Variants in CHL1 observed in about 807,000 individuals in gnomAD.
CHL1 encodes the protein neural cell adhesion molecule L1-like protein.
CHL1 carries 96 observed loss-of-function variants against 141.9 expected under a neutral mutation model. The ratio of observed to expected loss-of-function variants is 0.68; its 90% CI spans 0.57 to 0.80. The LOEUF (loss-of-function observed/expected upper bound fraction) is 0.80. Among genes scored for constraint, CHL1 ranks in the 30% least tolerant of loss-of-function variants. The pLI is 0.00. For missense variants in CHL1, 1,820 were observed against 1,457.2 expected, an observed-to-expected ratio of 1.25 and a Z score of -4.05; for synonymous variants, 613 against 502.2, an observed-to-expected ratio of 1.22 and a Z score of -2.95.
chr3:209,271 G>A (rs1264877747), intron 1 of CHL1, among the ~76,000 whole-genome samples: 1 of 152,188 alleles, frequency 6.6e-6, no homozygotes, highest in Admixed American at 6.5e-5. Flanking sequence ...AGTATAAACT[G>A]CAAGTTGGAG....
chr3:374,264 C>T (rs1260353977), intron 15 of CHL1, among the ~76,000 whole-genome samples: 2 of 152,104 alleles, frequency 1.3e-5, no homozygotes, highest in Non-Finnish European at 2.9e-5. Context: ...TGTATTACAA[C>T]CAGTTCTCAT....
chr3:221,309 T>G (rs1700819472), intron 1 of CHL1, among the ~76,000 whole-genome samples: 1 of 152,218 alleles, frequency 6.6e-6, no homozygotes. Flanking sequence ...AGAATTTGAC[T>G]CTTTTCATTG....
intron 2 of CHL1, among the ~76,000 whole-genome samples, chr3:281,822 A>G (rs1016582876): frequency 2.0e-5 from 3 of 152,204 alleles, no homozygotes; most frequent in Admixed American, 6.5e-5. Flanking sequence ...GGCCTCCCAA[A>G]GTGCTGGGAT....
intron 1 of CHL1, among the ~76,000 whole-genome samples, chr3:232,850 C>T (rs993926294): frequency 1.3e-5 from 2 of 152,118 alleles, no homozygotes; most frequent in Non-Finnish European, 2.9e-5. Flanking sequence ...TTTAACTTTA[C>T]ATTTTAGTCT....
Position 403,332 on chromosome 3 carries a change from A to C in CHL1, c.3458+1634A>C, listed in dbSNP as rs182058481. On this transcript the variant is annotated intron_variant, in intron 27 of 27. Transcript: ENST00000256509. ...AGTGATATCCCATCACTTTTGTTGT[A>C]TTCTATAGGAACAAATCATTAAGTT... 9.8e-5 allele frequency among the ~76,000 whole-genome samples: 15 copies of C among 152,296 alleles called. No individual in the cohort carries two copies. The East Asian group carries it at 2.5e-3, about 25-fold the overall frequency.
chr3:200,788 C>T (rs1164659827), intron 1 of CHL1, among the ~76,000 whole-genome samples: 1 of 152,172 alleles, frequency 6.6e-6, no homozygotes, highest in Non-Finnish European at 1.5e-5. Context: ...CCTCTCACCC[C>T]TTGGGGGAGA....
intron 23 of CHL1, among the ~76,000 whole-genome samples, chr3:393,457 T>A (rs1708412511): frequency 1.3e-5 from 2 of 152,050 alleles, no homozygotes; most frequent in Admixed American, 1.3e-4. Context: ...TTCATATTGA[T>A]CCGTATGTGA....
chr3:356,017 C>A (rs374037318), intron 11 of CHL1, among the ~76,000 whole-genome samples: 1 of 152,114 alleles, frequency 6.6e-6, no homozygotes. Flanking sequence ...ATGCTTAGCA[C>A]GGGGACTGCC....
At chr3:227,697 C>T (rs1247367866) in intron 1 of CHL1, among the ~76,000 whole-genome samples, 1 of 152,200 alleles carries the variant, frequency 6.6e-6, no homozygotes, top group Non-Finnish European at 1.5e-5. Flanking sequence ...TCAGGCAAAT[C>T]GTTCTTTGTA....
At chr3:333,124 A>ATTTTTGTTTTTTTTTTTTTTTTTTTT (rs1701576849) in intron 5 of CHL1, among the ~76,000 whole-genome samples, 1 of 83,310 alleles carries the variant, frequency 1.2e-5, no homozygotes, top group Non-Finnish European at 2.1e-5. Flanking sequence ...TAATTGCTCT[A>ATTTTTGTTTTTTTTTTTTTTTTTTTT]TTTTTTTTAT....
rs1000803038 is a variant in CHL1, at chr3:409,236, G to T, written c.*3525G>T. Reference sequence around the variant, plus strand: ...AAGAGATGAAAGGTATGTAGAACAGGTTCACGTGATTACCTTTTTCTTTTG... The same window carrying T: ...AAGAGATGAAAGGTATGTAGAACAGTTTCACGTGATTACCTTTTTCTTTTG... On this transcript the variant is annotated 3_prime_UTR_variant, in exon 28 of 28. Coordinates refer to ENST00000256509, the MANE Select transcript of CHL1 (RefSeq NM_006614.4). 6.6e-6 allele frequency: 1 copy of T among 152,034 alleles called. No individual in the cohort carries two copies. The highest frequency in any genetic ancestry group is 2.4e-5 in the African/African-American group (1 of 41,410). 9.4% of individuals were successfully genotyped at this position (152,034 alleles called of 1,614,324 possible). A position where few individuals can be genotyped will look rare whatever the true frequency, so the allele number is the denominator to read the frequency against.
At chr3:329,253 C>T (rs191399376) in intron 5 of CHL1, among the ~76,000 whole-genome samples, 6 of 152,064 alleles carry the variant, frequency 3.9e-5, no homozygotes, top group Admixed American at 2.0e-4. Context: ...AGCTTCTATT[C>T]GGTAATTTCT....
chr3:374,383 T>G (rs1706033495), intron 15 of CHL1, among the ~76,000 whole-genome samples: 1 of 152,166 alleles, frequency 6.6e-6, no homozygotes, highest in African/African-American at 2.4e-5. Context: ...TATGCCTAAA[T>G]TCTGCCTCTT....
chr3:345,206 A>G (rs1250464654), intron 9 of CHL1, among the ~76,000 whole-genome samples: 1 of 151,984 alleles, frequency 6.6e-6, no homozygotes, highest in Non-Finnish European at 1.5e-5. Context: ...GGTTGTTGGT[A>G]GTCAGTCCCT....
rs1055498166 is a variant in CHL1, at chr3:342,093, A to C, written c.679+11A>C. On this transcript the variant is annotated intron_variant, in intron 7 of 27. Transcript: ENST00000256509. ...TAACAGTTAACAGTTGTAAGTCCAC[A>C]TAATTTATCGTTTCATCATGTATGC... 6.3e-7 allele frequency: 1 copy of C among 1,598,048 alleles called. No individual in the cohort carries two copies. Among genetic ancestry groups the C allele is most frequent in the Non-Finnish European group, 8.6e-7 (1 of 1,167,736 alleles).
intron 15 of CHL1, among the ~76,000 whole-genome samples, chr3:375,758 T>C (rs932450378): frequency 1.3e-5 from 2 of 152,184 alleles, no homozygotes; most frequent in African/African-American, 2.4e-5. Context: ...AAAGAAAATA[T>C]TGTTATCCCC....
At chr3:242,318 T>A (rs71306193) in intron 1 of CHL1, among the ~76,000 whole-genome samples, 3 of 124,604 alleles carry the variant, frequency 2.4e-5, no homozygotes, top group Non-Finnish European at 5.4e-5. Context: ...AGAGACTGGC[T>A]GAGCGCGGTG....
At chr3:323,843 T>C (rs1329563850) in intron 3 of CHL1, among the ~76,000 whole-genome samples, 1 of 152,114 alleles carries the variant, frequency 6.6e-6, no homozygotes, top group African/African-American at 2.4e-5. Flanking sequence ...GCAGCCTGCA[T>C]GAGTGAGCAA....
chr3:244,201 C>T (rs959257729), intron 1 of CHL1, among the ~76,000 whole-genome samples: 1 of 152,114 alleles, frequency 6.6e-6, no homozygotes, highest in Non-Finnish European at 1.5e-5. Context: ...TGGTCCATAT[C>T]GTTTTATTTT....
Sources: gnomAD v4.1 joint callset for allele counts (sites outside exome capture counted in the v4.1 genomes callset) on GRCh38, gnomAD v4.1.1 for gene constraint, MANE v1.5 for transcripts, NCBI Gene and HGNC (gene_info 2026-07-23, HGNC 2026-07-21) for gene names.